BRD10: variants seen among roughly 807,000 people sequenced by gnomAD.
BRD10 encodes the protein uncharacterized bromodomain-containing protein 10.
chr9:5,886,109 GC>G, the BRD10 span, among the ~76,000 whole-genome samples: 1 of 152,198 alleles, frequency 6.6e-6, no homozygotes, highest in Non-Finnish European at 1.5e-5. Context: ...CAATACCTCT[GC>G]GGGGTGTGTG....
At chr9:5,941,552 T>G in the BRD10 span, among the ~76,000 whole-genome samples, 118 of 152,250 alleles carry the variant, frequency 7.8e-4, 1 homozygote, top group African/African-American at 2.7e-3. Context: ...AACCCCTAAA[T>G]GGAGTGATGG....
chr9:5,937,988 T>G, the BRD10 span, among the ~76,000 whole-genome samples: 1 of 152,192 alleles, frequency 6.6e-6, no homozygotes, highest in Non-Finnish European at 1.5e-5. Context: ...CAGTTAACAT[T>G]TGATTCTCCA....
At chr9:5,928,863 C>CT in the BRD10 span, among the ~76,000 whole-genome samples, 184 of 152,156 alleles carry the variant, frequency 1.2e-3, no homozygotes, top group African/African-American at 4.3e-3. Context: ...AGAGTGGAGA[C>CT]TTTGTTTAGT....
At chr9:5,940,866 A>C in the BRD10 span, among the ~76,000 whole-genome samples, 1 of 152,320 alleles carries the variant, frequency 6.6e-6, no homozygotes, top group East Asian at 1.9e-4. Flanking sequence ...CTGATAAAAG[A>C]TGTATTAGAA....
the BRD10 span, chr9:5,892,547 G>A: frequency 3.7e-6 from 6 of 1,612,498 alleles, no homozygotes; most frequent in Non-Finnish European, 5.1e-6. Context: ...CACCACGGCT[G>A]AAGAGTAAGT....
At chr9:5,924,416 T>G in the BRD10 span, among the ~76,000 whole-genome samples, 1 of 152,168 alleles carries the variant, frequency 6.6e-6, no homozygotes, top group Non-Finnish European at 1.5e-5. Context: ...TAGCTGGGAC[T>G]ACAGGGATGC....
At chr9:5,979,784 G>C in the BRD10 span, among the ~76,000 whole-genome samples, 1 of 152,030 alleles carries the variant, frequency 6.6e-6, no homozygotes, top group South Asian at 2.1e-4. Context: ...GGGAGGCTGA[G>C]GAGGGCAGAT....
chr9:5,965,392 A>C, the BRD10 span, among the ~76,000 whole-genome samples: 2 of 152,238 alleles, frequency 1.3e-5, no homozygotes, highest in Admixed American at 6.5e-5. Flanking sequence ...TTTAATAAAC[A>C]GGCCCAGAAT....
chr9:5,902,465 T>TTTCC, the BRD10 span, among the ~76,000 whole-genome samples: 1 of 151,594 alleles, frequency 6.6e-6, no homozygotes, highest in Non-Finnish European at 1.5e-5. Flanking sequence ...TCTTTCTTTC[T>TTTCC]TTCCTTTTTT....
At chr9:5,951,966 C>A in the BRD10 span, among the ~76,000 whole-genome samples, 1 of 152,038 alleles carries the variant, frequency 6.6e-6, no homozygotes, top group African/African-American at 2.4e-5. Flanking sequence ...TCTGTTTTCT[C>A]TCCCTCTAGG....
chr9:5,945,615 ATAATTAT>A, the BRD10 span, among the ~76,000 whole-genome samples: 4 of 152,078 alleles, frequency 2.6e-5, no homozygotes, highest in Non-Finnish European at 5.9e-5. Flanking sequence ...AATGGCCAAA[ATAATTAT>A]TAATTACTAA....
chr9:5,973,060 A>G, the BRD10 span, among the ~76,000 whole-genome samples: 2 of 152,240 alleles, frequency 1.3e-5, no homozygotes, highest in Non-Finnish European at 2.9e-5. Flanking sequence ...CTAAAGCACA[A>G]AGATAGGGGA....
chr9:6,004,172 C>T, the BRD10 span, among the ~76,000 whole-genome samples: 1 of 152,216 alleles, frequency 6.6e-6, no homozygotes, highest in Admixed American at 6.5e-5. Context: ...TCTCACTTGT[C>T]ATCCCCACAT....
At chr9:5,917,515 T>C in the BRD10 span, among the ~76,000 whole-genome samples, 1 of 152,202 alleles carries the variant, frequency 6.6e-6, no homozygotes. Flanking sequence ...GAAGGTCATA[T>C]TAGAATTTTG....
the BRD10 span, among the ~76,000 whole-genome samples, chr9:5,908,052 A>G: frequency 1.3e-5 from 2 of 152,358 alleles, no homozygotes; most frequent in South Asian, 4.1e-4. Flanking sequence ...GGTTGAGAGC[A>G]CTGACTCTGG....
the BRD10 span, among the ~76,000 whole-genome samples, chr9:5,934,428 G>A: frequency 6.1e-5 from 9 of 148,608 alleles, no homozygotes; most frequent in Admixed American, 5.4e-4. Flanking sequence ...GTACGATGTC[G>A]GCTCATGGCA....
At chr9:5,920,754 A>G in the BRD10 span, 1 of 1,613,828 alleles carries the variant, frequency 6.2e-7, no homozygotes, top group Non-Finnish European at 8.5e-7. Flanking sequence ...GGTGTAGGTA[A>G]GGCAACCGTA....
At chr9:5,952,437 C>T in the BRD10 span, among the ~76,000 whole-genome samples, 2 of 152,152 alleles carry the variant, frequency 1.3e-5, no homozygotes, top group Admixed American at 6.6e-5. Context: ...CAAAGTTTCA[C>T]GAAACAATAT....
chr9:5,908,121 CAAGCGAGTT>C, the BRD10 span, among the ~76,000 whole-genome samples: 1 of 152,158 alleles, frequency 6.6e-6, no homozygotes, highest in Non-Finnish European at 1.5e-5. Context: ...TGACCATGGG[CAAGCGAGTT>C]AACCTCTCTG....
Sources: gnomAD v4.1 joint callset for allele counts (sites outside exome capture counted in the v4.1 genomes callset) on GRCh38, gnomAD v4.1.1 for gene constraint, MANE v1.5 for transcripts, NCBI Gene and HGNC (gene_info 2026-07-23, HGNC 2026-07-21) for gene names.